The following NEK1 variants were observed in gnomAD, a reference collection of about 807,000 sequenced individuals.
NEK1 encodes NIMA related kinase 1.
In NEK1, 137 loss-of-function variants were observed where a neutral mutation model predicts 182.1. That is an observed-to-expected ratio of 0.75 (90% CI 0.65 to 0.87). The LOEUF (loss-of-function observed/expected upper bound fraction) is 0.87, where lower values mean the gene tolerates loss of function less well. Among genes scored for constraint, NEK1 ranks in the 40% least tolerant of loss-of-function variants. The pLI, the probability that NEK1 is intolerant of heterozygous loss-of-function variation, is 0.00. For missense variants in NEK1, 1,391 were observed against 1,494.4 expected (o/e 0.93, Z 1.14); for synonymous variants, 513 against 492.2 (o/e 1.04, Z -0.56).
intron 31 of NEK1, among the ~76,000 whole-genome samples, chr4:169,420,083 T>G (rs1396687277): frequency 6.6e-6 from 1 of 152,178 alleles, no homozygotes; most frequent in Non-Finnish European, 1.5e-5. Context: ...CTGTCTTCAA[T>G]AAATTAACCT....
In NEK1 at chr4:169,433,659, T is replaced by A. The variant is rs754206974; in HGVS notation, c.2771A>T (p.Asp924Val). 1 of 1,613,220 alleles carries A rather than the reference T, an allele frequency of 6.2e-7. No individual in the cohort carries two copies. The highest frequency in any genetic ancestry group is 2.2e-5 in the East Asian group (1 of 44,778). ...LKLEGNLEEPDDLETEILQEP... is the reference protein window; with the variant it reads ...LKLEGNLEEPVDLETEILQEP... ...TTGTAGAATTTCTGTTTCCAAATCA[T>A]CAGGTTCTGCAAAGGATAAACGTAA... The change falls in exon 29 of 36, where the codon GAT becomes GTT. Residue 924 changes from aspartate to valine, a missense_variant. Physicochemically the swap from Asp to Val is radical, Grantham distance 152 (BLOSUM62 -3). Around this residue, in one of 5 missense-constraint regions of NEK1, gnomAD observed 1,216 missense variants for 1,277.6 expected, o/e 0.95. Transcript: ENST00000507142.
chr4:169,557,217 A>G (rs565534640), intron 16 of NEK1, among the ~76,000 whole-genome samples: 1 of 152,298 alleles, frequency 6.6e-6, no homozygotes, highest in African/African-American at 2.4e-5. Context: ...AAGGCAATCA[A>G]TGAAAAAGTA....
chr4:169,395,829 G>T (rs774030927), intron 35 of NEK1, among the ~76,000 whole-genome samples: 1 of 151,976 alleles, frequency 6.6e-6, no homozygotes, highest in African/African-American at 2.4e-5. Flanking sequence ...TATTCTTCCC[G>T]CTCATGGTTT....
intron 18 of NEK1, among the ~76,000 whole-genome samples, chr4:169,551,283 G>A (rs1761390895): frequency 1.3e-5 from 2 of 152,150 alleles, no homozygotes; most frequent in Non-Finnish European, 2.9e-5. Context: ...AGTACAAACT[G>A]GCACTTTTCT....
chr4:169,524,521 A>G (rs1756599488), intron 19 of NEK1, among the ~76,000 whole-genome samples: 1 of 152,076 alleles, frequency 6.6e-6, no homozygotes, highest in Admixed American at 6.5e-5. Context: ...TATATACAGT[A>G]AAATTTTTAT....
At chr4:169,495,241 T>C (rs1333319057) in intron 23 of NEK1, among the ~76,000 whole-genome samples, 1 of 78,106 alleles carries the variant, frequency 1.3e-5, no homozygotes, top group Non-Finnish European at 2.3e-5. Flanking sequence ...ATTTAAGTCT[T>C]TTTTTTTTTT....
intron 23 of NEK1, among the ~76,000 whole-genome samples, chr4:169,481,523 T>C (rs1748001679): frequency 6.6e-6 from 1 of 152,208 alleles, no homozygotes; most frequent in African/African-American, 2.4e-5. Context: ...TGAATCTCTT[T>C]GTATAATACA....
At chr4:169,437,458 C>T (rs1282740053) in intron 28 of NEK1, among the ~76,000 whole-genome samples, 2 of 152,136 alleles carry the variant, frequency 1.3e-5, no homozygotes, top group East Asian at 1.9e-4. Flanking sequence ...AATTCTTTGA[C>T]GCCCTTCCCA....
intron 27 of NEK1, among the ~76,000 whole-genome samples, chr4:169,457,922 T>C (rs546682207): frequency 5.8e-4 from 88 of 151,912 alleles, no homozygotes; most frequent in African/African-American, 2.0e-3. Flanking sequence ...TAAAGAACAA[T>C]AAAGAGATAT....
At chr4:169,599,672 C>T (rs1316322999) in intron 4 of NEK1, among the ~76,000 whole-genome samples, 1 of 152,050 alleles carries the variant, frequency 6.6e-6, no homozygotes, top group Non-Finnish European at 1.5e-5. Flanking sequence ...TTGTGATAAA[C>T]TCTGAGGATT....
At chr4:169,416,390 C>T (rs954306013) in intron 31 of NEK1, among the ~76,000 whole-genome samples, 16 of 152,132 alleles carry the variant, frequency 1.1e-4, no homozygotes, top group Non-Finnish European at 2.4e-4. Flanking sequence ...CTTCTCAAAC[C>T]GTGTGGTAGA....
intron 19 of NEK1, among the ~76,000 whole-genome samples, chr4:169,537,162 T>A (rs1479622462): frequency 6.6e-6 from 1 of 152,182 alleles, no homozygotes; most frequent in African/African-American, 2.4e-5. Context: ...AGACAAAATG[T>A]CAAAAGGCAT....
In NEK1 at chr4:169,585,379, G is replaced by A. The variant is rs1325143287; in HGVS notation, c.777C>T (p.Ala259=). The A allele has an allele frequency of 1.2e-6, 2 of 1,613,186 alleles. No homozygotes were observed. Among genetic ancestry groups the A allele is most frequent in the Non-Finnish European group, 1.7e-6 (2 of 1,179,588 alleles). ...VNSILEKGFI[A]KRIEKFLSPQ... ...GAGAGAGAAACTTTTCAATGCGTTT[G>A]GCTATAAAACCTTTCTCCAATATGG... The change falls in exon 10 of 36, where the codon GCC becomes GCT. Residue 259 remains alanine (A), a synonymous_variant. Transcript: ENST00000507142.
At chr4:169,530,102 G>T (rs1247452717) in intron 19 of NEK1, among the ~76,000 whole-genome samples, 1 of 152,036 alleles carries the variant, frequency 6.6e-6, no homozygotes, top group Non-Finnish European at 1.5e-5. Context: ...CCAAAAATTG[G>T]AAACATCTCA....
intron 18 of NEK1, chr4:169,554,820 A>G (rs1348697163): frequency 6.6e-6 from 1 of 152,224 alleles, no homozygotes; most frequent in Non-Finnish European, 1.5e-5. Context: ...ACTTTGGGTG[A>G]TAATGGATCG....
rs144663908 is a variant in NEK1 at position 169,509,870 on chromosome 4, T to C, written c.1666-1018A>G. ...AATTTCCTTCTCTGCATATGTATAA[T>C]ACATACATGTTTATTTTTATAAAAC... is the stretch of plus-strand genomic sequence containing the variant. On this transcript the variant is annotated intron_variant, in intron 19 of 35. Transcript: ENST00000507142. Among the ~76,000 whole-genome samples, 5 of 152,258 alleles carry C rather than the reference T, an allele frequency of 3.3e-5. No homozygotes were observed. In the East Asian group the frequency reaches 7.7e-4, roughly 23 times the overall value.
At chr4:169,457,658 G>A (rs1743152183) in intron 27 of NEK1, among the ~76,000 whole-genome samples, 1 of 133,072 alleles carries the variant, frequency 7.5e-6, no homozygotes, top group African/African-American at 3.3e-5. Context: ...GCGGGGCAGG[G>A]GGAGAGAAGG....
chr4:169,464,148 T>C (rs145335692), intron 26 of NEK1, among the ~76,000 whole-genome samples: 1 of 151,694 alleles, frequency 6.6e-6, no homozygotes, highest in Admixed American at 6.6e-5. Flanking sequence ...AGCAATCATT[T>C]TCTTACACTT....
chr4:169,498,306 A>G (rs1020446184), intron 23 of NEK1, among the ~76,000 whole-genome samples: 8 of 152,102 alleles, frequency 5.3e-5, no homozygotes, highest in East Asian at 1.9e-4. Context: ...GTCTCTGCAC[A>G]TGAGATGGGT....
Sources: gnomAD v4.1 joint callset for allele counts (sites outside exome capture counted in the v4.1 genomes callset) on GRCh38, gnomAD v4.1.1 for gene constraint, gnomAD v4.1.1 regional missense constraint, MANE v1.5 for transcripts, NCBI Gene and HGNC (gene_info 2026-07-23, HGNC 2026-07-21) for gene names.